The following FHAD1 variants were observed in gnomAD, a reference collection of about 807,000 sequenced individuals.
The protein encoded by FHAD1 is forkhead associated phosphopeptide binding domain 1, also known as forkhead-associated domain-containing protein 1.
FHAD1 carries 146 observed loss-of-function variants against 191.3 expected under a neutral mutation model. The observed-to-expected ratio is 0.76, with a 90% CI of 0.67 to 0.88. The LOEUF (loss-of-function observed/expected upper bound fraction) is 0.88, where lower values mean the gene tolerates loss of function less well. Ranked by LOEUF, FHAD1 falls within the 40% of genes least tolerant of loss-of-function variation. The probability of loss-of-function intolerance (pLI) is 0.00; values close to 1 mark genes in which losing one functional copy is unlikely to be tolerated. For missense variants in FHAD1, 1,635 were observed against 1,785.8 expected (o/e 0.92, Z 1.52); for synonymous variants, 616 against 672.3 (o/e 0.92, Z 1.29).
chr1:15,314,974 G>C (rs1673838802), intron 8 of FHAD1: 2 of 151,776 alleles, frequency 1.3e-5, no homozygotes, highest in African/African-American at 2.4e-5. Flanking sequence ...AGCAGCTCCG[G>C]AGCTCTTCTG....
At chr1:15,294,561 T>C (rs1323262230) in intron 4 of FHAD1, among the ~76,000 whole-genome samples, 2 of 152,058 alleles carry the variant, frequency 1.3e-5, no homozygotes, top group African/African-American at 4.8e-5. Context: ...CCTGGCTAAT[T>C]TTTGTATTTT....
At chr1:15,395,385 C>A (rs879865612) in intron 33 of FHAD1, among the ~76,000 whole-genome samples, 1 of 151,880 alleles carries the variant, frequency 6.6e-6, no homozygotes, top group Non-Finnish European at 1.5e-5. Context: ...TGCATGCACT[C>A]GGGCACACAC....
At chr1:15,314,817 G>A (rs949300852) in intron 8 of FHAD1, among the ~76,000 whole-genome samples, 1 of 129,116 alleles carries the variant, frequency 7.7e-6, no homozygotes, top group Non-Finnish European at 1.7e-5. Context: ...GGTGTGTGGG[G>A]GTGTGGATGT....
chr1:15,277,765 T>A lies in FHAD1; in HGVS notation c.300+5236T>A, dbSNP rs189860340. On this transcript the variant is annotated intron_variant, in intron 3 of 33. Transcript: ENST00000688493. ...GGGGCTTCCTCATTCGCCTCCACTATCTTTTCACCAGGGATGCTGCTGAAG... is the reference window on the plus strand; with the variant it reads ...GGGGCTTCCTCATTCGCCTCCACTAACTTTTCACCAGGGATGCTGCTGAAG... Among the ~76,000 whole-genome samples the A allele has an allele frequency of 3.9e-5, 6 of 152,318 alleles. No individual in the cohort carries two copies. In the East Asian group the frequency reaches 1.2e-3, roughly 29 times the overall value.
At chr1:15,300,921 C>G (rs1229712740) in intron 5 of FHAD1, among the ~76,000 whole-genome samples, 1 of 152,170 alleles carries the variant, frequency 6.6e-6, no homozygotes, top group African/African-American at 2.4e-5. Flanking sequence ...CCTCTGCCTC[C>G]CGGGTTCAAG....
chr1:15,243,932 C>G (rs1240381439), upstream of FHAD1, among the ~76,000 whole-genome samples: 3 of 152,178 alleles, frequency 2.0e-5, no homozygotes, highest in Admixed American at 6.5e-5. Flanking sequence ...TGACTTTAGG[C>G]AGATTTCTCC....
At chr1:15,399,748 G>T (rs1706994706), downstream of FHAD1, among the ~76,000 whole-genome samples, 1 of 152,132 alleles carries the variant, frequency 6.6e-6, no homozygotes, top group Non-Finnish European at 1.5e-5. Context: ...CCCCACTTGT[G>T]TTCAGGGAAA....
rs557390136 is a variant in FHAD1, at chr1:15,293,962, TG to T, written c.569-2719del. On this transcript the variant is annotated intron_variant, in intron 4 of 33. Transcript: ENST00000688493. ...AGGCTTTGAGGCCCTCAGATCTGCCTGGGCGTCACCACTGCAGCCTCCCACC... is the reference window on the plus strand; with the variant it reads ...AGGCTTTGAGGCCCTCAGATCTGCCTGGCGTCACCACTGCAGCCTCCCACC... Among the ~76,000 whole-genome samples the T allele has an allele frequency of 3.9e-3, 590 of 152,308 alleles. 7 individuals are homozygous for T. The highest frequency in any genetic ancestry group is 0.014 in the African/African-American group (577 of 41,560).
At chr1:15,330,492 A>G (rs2101873282) in intron 14 of FHAD1, among the ~76,000 whole-genome samples, 1 of 152,316 alleles carries the variant, frequency 6.6e-6, no homozygotes, top group Non-Finnish European at 1.5e-5. Context: ...TACTGGGGAA[A>G]AAAACAGGCC....
chr1:15,298,388 G>A (rs1329430130), intron 5 of FHAD1, among the ~76,000 whole-genome samples: 1 of 152,208 alleles, frequency 6.6e-6, no homozygotes, highest in East Asian at 1.9e-4. Flanking sequence ...AGAAGAGTGG[G>A]AGCAGGGCAA....
At chr1:15,293,583 TG>T (rs1187323767) in intron 4 of FHAD1, among the ~76,000 whole-genome samples, 1 of 152,136 alleles carries the variant, frequency 6.6e-6, no homozygotes, top group Non-Finnish European at 1.5e-5. Flanking sequence ...CTGGGTGTGG[TG>T]GCACGCACCT....
chr1:15,272,103 T>C (rs919970624), intron 2 of FHAD1, among the ~76,000 whole-genome samples: 8 of 152,210 alleles, frequency 5.3e-5, no homozygotes, highest in Admixed American at 3.3e-4. Flanking sequence ...TCCCCAGGTC[T>C]GGTGTCAGAC....
At chr1:15,243,372 C>T (rs111227260), upstream of FHAD1, among the ~76,000 whole-genome samples, 5 of 152,338 alleles carry the variant, frequency 3.3e-5, no homozygotes, top group African/African-American at 7.2e-5. Flanking sequence ...CGTCACCCTG[C>T]GCAACAGCTT....
intron 21 of FHAD1, among the ~76,000 whole-genome samples, chr1:15,360,061 C>T (rs892238531): frequency 1.3e-5 from 2 of 152,122 alleles, no homozygotes; most frequent in Non-Finnish European, 2.9e-5. Context: ...TGCAGTGAGC[C>T]AAGATAGTGC....
chr1:15,311,380 G>A lies in FHAD1; in HGVS notation c.1040-1677G>A, dbSNP rs566148773. 2.7e-4 allele frequency among the ~76,000 whole-genome samples: 41 copies of A among 152,292 alleles called. No individual in the cohort carries two copies. The highest frequency in any genetic ancestry group is 8.9e-4 in the African/African-American group (37 of 41,560). On this transcript the variant is annotated intron_variant, in intron 7 of 33. Transcript: ENST00000688493. This position sits in a 1 kb window ranked among gnomAD's most constrained non-coding sequence, Gnocchi z 4.1. ...CAGAGGGAACCATCTCGAAGCCCAC[G>A]TAGGCCTGAGAGTAGCTCACTTTCC...
intron 11 of FHAD1, chr1:15,326,144 TC>T (rs918415421): frequency 1.3e-5 from 2 of 152,270 alleles, no homozygotes; most frequent in Middle Eastern, 3.2e-3. Context: ...CCATTAGAAC[TC>T]CCCTGTGCAG....
chr1:15,284,963 A>G (rs1661921446), intron 3 of FHAD1, among the ~76,000 whole-genome samples: 1 of 152,238 alleles, frequency 6.6e-6, no homozygotes, highest in Non-Finnish European at 1.5e-5. Flanking sequence ...AGAAGGCACT[A>G]GCAAGTATTT....
intron 26 of FHAD1, among the ~76,000 whole-genome samples, chr1:15,370,283 G>T (rs1697697280): frequency 6.6e-6 from 1 of 152,116 alleles, no homozygotes; most frequent in South Asian, 2.1e-4. Flanking sequence ...GGCCCATATA[G>T]ATATTTGTTT....
intron 2 of FHAD1, among the ~76,000 whole-genome samples, chr1:15,263,757 G>A (rs1652198445): frequency 2.6e-5 from 4 of 152,178 alleles, no homozygotes; most frequent in South Asian, 2.1e-4. Flanking sequence ...TCCTGACCTC[G>A]TGATCTGCCC....
Sources: allele counts gnomAD v4.1 joint callset (sites outside exome capture counted in the v4.1 genomes callset), GRCh38; gene constraint gnomAD v4.1.1; non-coding constraint Gnocchi (gnomAD v3.1); transcripts MANE v1.5; gene names NCBI Gene and HGNC (gene_info 2026-07-23, HGNC 2026-07-21).